The following RAB38 variants were observed in gnomAD, a reference collection of about 807,000 sequenced individuals.
The protein encoded by RAB38 is RAB38, member RAS oncogene family.
Under a neutral mutation model 18.4 loss-of-function variants are expected in RAB38, and 15 were observed. That is an observed-to-expected ratio of 0.82 (90% CI 0.55 to 1.26). The LOEUF (loss-of-function observed/expected upper bound fraction) is 1.26, where lower values mean the gene tolerates loss of function less well. Among genes scored for constraint, RAB38 ranks in the 50% most tolerant of loss-of-function variants. RAB38 has a pLI of 0.00. For synonymous variants in RAB38, 101 were observed against 104.4 expected (o/e 0.97, Z 0.20); for missense variants, 294 against 267.4 (o/e 1.10, Z -0.69).
the RAB38 span, among the ~76,000 whole-genome samples, chr11:87,966,561 T>C: frequency 2.6e-5 from 4 of 152,314 alleles, no homozygotes; most frequent in Admixed American, 2.6e-4. Context: ...ACAGTTTGTC[T>C]CAGTGATTTC....
the RAB38 span, among the ~76,000 whole-genome samples, chr11:87,919,504 T>C: frequency 6.6e-6 from 1 of 152,026 alleles, no homozygotes; most frequent in Non-Finnish European, 1.5e-5. Context: ...TGGTTTGCTA[T>C]TATTTTGTTA....
chr11:87,928,169 G>C, the RAB38 span, among the ~76,000 whole-genome samples: 1 of 152,018 alleles, frequency 6.6e-6, no homozygotes, highest in Non-Finnish European at 1.5e-5. Context: ...AAATGAGTCA[G>C]TACATGTACT....
chr11:88,035,313 C>T, the RAB38 span, among the ~76,000 whole-genome samples: 1 of 152,108 alleles, frequency 6.6e-6, no homozygotes, highest in Non-Finnish European at 1.5e-5. Flanking sequence ...CTTGTACCTG[C>T]TTCTTTGAAA....
the RAB38 span, among the ~76,000 whole-genome samples, chr11:88,032,951 A>T: frequency 3.9e-5 from 6 of 152,238 alleles, no homozygotes; most frequent in African/African-American, 1.4e-4. Flanking sequence ...GGCATTATTC[A>T]CAATAGCAAA....
chr11:88,157,471 G>A (rs1415199814), intron 1 of RAB38, among the ~76,000 whole-genome samples: 1 of 152,124 alleles, frequency 6.6e-6, no homozygotes, highest in East Asian at 1.9e-4. Flanking sequence ...TTCTGAACTT[G>A]AATTTGACAC....
At chr11:87,850,691 G>A in the RAB38 span, among the ~76,000 whole-genome samples, 6,743 of 149,742 alleles carry the variant, frequency 0.045, 209 homozygotes, top group African/African-American at 0.094. Flanking sequence ...TAGCTTTTGG[G>A]GGGATCCAAT....
At chr11:88,088,440 A>G in the RAB38 span, among the ~76,000 whole-genome samples, 1 of 151,882 alleles carries the variant, frequency 6.6e-6, no homozygotes, top group Non-Finnish European at 1.5e-5. Flanking sequence ...AATACCTGAT[A>G]AGGGCCATTT....
Position 88,113,890 on chromosome 11 carries a change from G to T in RAB38, c.*98C>A. ...CATAGATCTTTGGCTTGCCACATGT[G>T]GTATCTCTATCCTGACGTTTACCCA... On this transcript the variant is annotated 3_prime_UTR_variant, in exon 3 of 3. Transcript: ENST00000243662. The T allele has an allele frequency of 7.1e-7, 1 of 1,408,670 alleles. No homozygotes were observed. The highest frequency in any genetic ancestry group is 9.9e-7 in the Non-Finnish European group (1 of 1,012,422). 87.3% of individuals were successfully genotyped at this position (1,408,670 alleles called of 1,614,324 possible).
chr11:88,049,150 C>T, the RAB38 span, among the ~76,000 whole-genome samples: 48 of 152,124 alleles, frequency 3.2e-4, no homozygotes, highest in African/African-American at 1.1e-3. Context: ...CTCTCCATAC[C>T]ACCCCAAAAA....
At chr11:88,141,820 T>C (rs765510410) in intron 2 of RAB38, among the ~76,000 whole-genome samples, 4 of 152,194 alleles carry the variant, frequency 2.6e-5, no homozygotes, top group Non-Finnish European at 5.9e-5. Context: ...CCTTTCTCCT[T>C]CCATCTCTGC....
chr11:87,971,001 AG>A, the RAB38 span, among the ~76,000 whole-genome samples: 2 of 152,102 alleles, frequency 1.3e-5, no homozygotes, highest in African/African-American at 4.8e-5. Flanking sequence ...ACCTGAGGAT[AG>A]GAAGTCATGA....
At chr11:88,148,031 C>T (rs1056654326) in intron 2 of RAB38, among the ~76,000 whole-genome samples, 1 of 152,110 alleles carries the variant, frequency 6.6e-6, no homozygotes, top group Non-Finnish European at 1.5e-5. Context: ...AAACTAAAAA[C>T]GTTCAAAGAG....
Position 88,122,368 on chromosome 11 carries a change from G to A in RAB38, c.484-8228C>T, listed in dbSNP as rs11823961. ...ACAGTGCTGGGATACCCAATAATCA[G>A]TCTTGAAAAGAAAGAATAAAGATAA... On this transcript the variant is annotated intron_variant, in intron 2 of 2. Transcript: ENST00000243662. Among the ~76,000 whole-genome samples the A allele has an allele frequency of 8.0e-3, 1,223 of 152,266 alleles. 14 individuals are homozygous for A. Among genetic ancestry groups the A allele is most frequent in the African/African-American group, 0.028 (1,174 of 41,542 alleles).
chr11:88,037,443 T>A, the RAB38 span, among the ~76,000 whole-genome samples: 4 of 152,130 alleles, frequency 2.6e-5, no homozygotes, highest in Non-Finnish European at 5.9e-5. Flanking sequence ...ATTTATAATT[T>A]GAGTACAATA....
chr11:87,964,387 G>T, the RAB38 span, among the ~76,000 whole-genome samples: 123 of 152,170 alleles, frequency 8.1e-4, 2 homozygotes, highest in East Asian at 0.022. Context: ...CAGTTTCAAT[G>T]GAACAAATGG....
the RAB38 span, among the ~76,000 whole-genome samples, chr11:88,091,290 G>T: frequency 1.3e-5 from 2 of 151,978 alleles, no homozygotes; most frequent in Non-Finnish European, 2.9e-5. Context: ...AGCCCAGGTG[G>T]GCTTCACTAC....
chr11:87,875,124 C>A, the RAB38 span, among the ~76,000 whole-genome samples: 3 of 151,216 alleles, frequency 2.0e-5, no homozygotes, highest in African/African-American at 7.3e-5. Flanking sequence ...TGACTCTAGT[C>A]AATAATAATG....
chr11:87,973,082 C>T, the RAB38 span, among the ~76,000 whole-genome samples: 6 of 151,926 alleles, frequency 3.9e-5, no homozygotes, highest in African/African-American at 9.7e-5. Flanking sequence ...GCACAGCCCA[C>T]GGAACCATGA....
the RAB38 span, among the ~76,000 whole-genome samples, chr11:88,079,176 T>C: frequency 1.3e-5 from 2 of 151,812 alleles, no homozygotes; most frequent in African/African-American, 2.4e-5. Context: ...ATCAATAAAA[T>C]AGATAAATCT....
Sources: allele counts gnomAD v4.1 joint callset (sites outside exome capture counted in the v4.1 genomes callset), GRCh38; gene constraint gnomAD v4.1.1; transcripts MANE v1.5; gene names NCBI Gene and HGNC (gene_info 2026-07-23, HGNC 2026-07-21).